TGIF2: variants seen among roughly 807,000 people sequenced by gnomAD.
TGIF2 encodes homeobox protein TGIF2.
Under a neutral mutation model 15.1 loss-of-function variants are expected in TGIF2, and 5 were observed. The observed-to-expected ratio is 0.33, with a 90% CI of 0.17 to 0.70. The LOEUF (loss-of-function observed/expected upper bound fraction) is 0.70. Among genes scored for constraint, TGIF2 ranks in the 30% least tolerant of loss-of-function variants. The probability of loss-of-function intolerance (pLI) is 0.67; values close to 1 mark genes in which losing one functional copy is unlikely to be tolerated. For synonymous variants in TGIF2, 131 were observed against 128.9 expected (o/e 1.02, Z -0.11); for missense variants, 264 against 302.5 (o/e 0.87, Z 0.94).
At position 36,592,207 on chromosome 20, in the gene TGIF2, T is replaced by C. The variant is rs533429497; in HGVS notation, c.*776T>C. ...ACAACCGTATGAGCGCATTGGCTTG[T>C]CTGCCGCAGGCACAGAAGGGTAGAA... On this transcript the variant is annotated 3_prime_UTR_variant, in exon 3 of 3. Transcript: ENST00000373872. The C allele has an allele frequency of 6.6e-6, 1 of 151,560 alleles. No individual in the cohort carries two copies. The highest frequency in any genetic ancestry group is 1.5e-5 in the Non-Finnish European group (1 of 67,902). 9.4% of individuals were successfully genotyped at this position (151,560 alleles called of 1,614,324 possible). A position where few individuals can be genotyped will look rare whatever the true frequency, so the allele number is the denominator to read the frequency against.
intron 2 of TGIF2, 34 bp downstream of exon 2, chr20:36,579,000 A>AG (rs1450112596): frequency 6.2e-7 from 1 of 1,602,090 alleles, no homozygotes; most frequent in Non-Finnish European, 8.5e-7. Context: ...GGGTGGCAGG[A>AG]GGACCTGGGT....
rs112197981 is a variant in TGIF2, at chr20:36,577,231, ACT to A, written c.-34-1507_-34-1506del. On this transcript the variant is annotated intron_variant, in intron 1 of 2. Coordinates refer to ENST00000373872, the MANE Select transcript of TGIF2 (RefSeq NM_021809.7). The stretch of plus-strand genomic sequence containing the variant: ...TTTTCTTTTGTTGAGACAGGGAATC[ACT>A]CTGTCACCCAGGCTGGAGTGCAATG... 5.0e-3 allele frequency among the ~76,000 whole-genome samples: 760 copies of A among 151,468 alleles called. 7 individuals are homozygous for A. The highest frequency in any genetic ancestry group is 0.018 in the African/African-American group (732 of 41,310).
intron 2 of TGIF2, among the ~76,000 whole-genome samples, chr20:36,584,455 C>A (rs987072181): frequency 6.6e-6 from 1 of 152,118 alleles, no homozygotes; most frequent in African/African-American, 2.4e-5. Context: ...GAAGGGTCAA[C>A]AGGCAGGACC....
chr20:36,578,008 G>A (rs376801893), intron 1 of TGIF2, among the ~76,000 whole-genome samples: 16 of 152,194 alleles, frequency 1.1e-4, no homozygotes, highest in South Asian at 8.3e-4. Flanking sequence ...GAGCCACTGC[G>A]CAGGCCTTGG....
chr20:36,577,132 CCT>C (rs376100277), intron 1 of TGIF2, among the ~76,000 whole-genome samples: 37 of 152,260 alleles, frequency 2.4e-4, no homozygotes, highest in African/African-American at 7.5e-4. Flanking sequence ...CTCACCTCAG[CCT>C]CTCAGAATAG....
In TGIF2 at chr20:36,593,393, G is replaced by C. The variant is rs554110313; in HGVS notation, c.*1962G>C. The stretch of plus-strand genomic sequence containing the variant: ...GAGTCGCCCATCTGTTGCTGTGGGA[G>C]TGTGAACGGATCGCTGAAGGAGAGG... On this transcript the variant is annotated 3_prime_UTR_variant, in exon 3 of 3. Transcript: ENST00000373872. 2 of 152,334 alleles carry C rather than the reference G, an allele frequency of 1.3e-5. No homozygotes were observed. The highest frequency in any genetic ancestry group is 4.2e-4 in the South Asian group (2 of 4,810). 9.4% of individuals were successfully genotyped at this position (152,334 alleles called of 1,614,324 possible).
chr20:36,591,182 G>A lies in TGIF2; in HGVS notation c.465G>A (p.Lys155=). ...PFPRGELESP[K]PLVTPGSTLT... ...CACGTGGGGAGCTGGAGTCTCCCAA[G>A]CCCCTGGTGACCCCTGGTAGCACAC... is the stretch of plus-strand genomic sequence containing the variant. Residue 155 remains lysine (K), a synonymous_variant, in exon 3 of 3, where the codon AAG becomes AAA. Coordinates refer to ENST00000373872, the MANE Select transcript of TGIF2 (RefSeq NM_021809.7). This position sits in a 1 kb window ranked among gnomAD's most constrained non-coding sequence, Gnocchi z 5.3. 1 of 1,614,172 alleles carries A rather than the reference G, an allele frequency of 6.2e-7. No individual in the cohort carries two copies. The highest frequency in any genetic ancestry group is 8.5e-7 in the Non-Finnish European group (1 of 1,180,000).
At chr20:36,584,211 C>T (rs1483920804) in intron 2 of TGIF2, among the ~76,000 whole-genome samples, 1 of 152,238 alleles carries the variant, frequency 6.6e-6, no homozygotes, top group African/African-American at 2.4e-5. Flanking sequence ...CCACCCCTGA[C>T]CAGGAGGCTC....
At chr20:36,576,942 C>G in intron 1 of TGIF2, among the ~76,000 whole-genome samples, 1 of 152,164 alleles carries the variant, frequency 6.6e-6, no homozygotes, top group East Asian at 1.9e-4. Context: ...TGAGCTCAAG[C>G]GATCCACCTG....
intron 2 of TGIF2, among the ~76,000 whole-genome samples, chr20:36,582,365 T>C (rs1432687678): frequency 6.6e-6 from 1 of 152,204 alleles, no homozygotes; most frequent in Non-Finnish European, 1.5e-5. Context: ...AAAAAACCAC[T>C]TCTTTTTGCT....
At chr20:36,576,518 G>A (rs2038432331) in intron 1 of TGIF2, among the ~76,000 whole-genome samples, 1 of 152,120 alleles carries the variant, frequency 6.6e-6, no homozygotes, top group South Asian at 2.1e-4. Flanking sequence ...ACAGTATACA[G>A]CTCACAAGAG....
At chr20:36,588,745 C>T (rs997614804) in intron 2 of TGIF2, among the ~76,000 whole-genome samples, 4 of 152,080 alleles carry the variant, frequency 2.6e-5, no homozygotes, top group African/African-American at 2.4e-5. Flanking sequence ...CCTTCCAGCC[C>T]GACAGCCTGG....
intron 2 of TGIF2, among the ~76,000 whole-genome samples, chr20:36,583,828 C>T (rs1275423156): frequency 2.0e-5 from 3 of 151,914 alleles, no homozygotes; most frequent in African/African-American, 7.3e-5. Flanking sequence ...ACCTGGGAAA[C>T]GGAAGTTGGA....
chr20:36,579,522 A>G (rs775185826), intron 2 of TGIF2, among the ~76,000 whole-genome samples: 6 of 152,184 alleles, frequency 3.9e-5, no homozygotes, highest in Non-Finnish European at 7.4e-5. Context: ...GTCAAAGTCT[A>G]GGTGTCATCC....
chr20:36,590,441 A>C (rs2038746029), intron 2 of TGIF2, among the ~76,000 whole-genome samples: 1 of 152,140 alleles, frequency 6.6e-6, no homozygotes, highest in Non-Finnish European at 1.5e-5. Context: ...TTTAGTAGAG[A>C]CAGGGTTTCA....
intron 2 of TGIF2, among the ~76,000 whole-genome samples, chr20:36,587,324 C>T (rs989233666): frequency 2.6e-5 from 4 of 152,190 alleles, no homozygotes; most frequent in African/African-American, 4.8e-5. Context: ...CTTGAACCCT[C>T]AGCCAAAGTG....
chr20:36,586,708 A>C (rs1357713926), intron 2 of TGIF2, among the ~76,000 whole-genome samples: 1 of 143,234 alleles, frequency 7.0e-6, no homozygotes, highest in African/African-American at 2.5e-5. Context: ...CCCCCCAAAA[A>C]AAAAAATCTC....
chr20:36,574,150 G>A (rs1019579838), intron 1 of TGIF2, among the ~76,000 whole-genome samples: 17 of 152,090 alleles, frequency 1.1e-4, no homozygotes, highest in Non-Finnish European at 2.2e-4. Context: ...GACAGGGGGC[G>A]GCCGAGAGTG....
At position 36,591,189 on chromosome 20, in the gene TGIF2, G is replaced by C; in HGVS notation, c.472G>C (p.Val158Leu). The C allele has an allele frequency of 6.2e-7, 1 of 1,614,180 alleles. No homozygotes were observed. The highest frequency in any genetic ancestry group is 8.5e-7 in the Non-Finnish European group (1 of 1,180,008). Residue 158 changes from valine to leucine, a missense_variant, in exon 3 of 3, where the codon GTG becomes CTG. Physicochemically the swap from Val to Leu is conservative, Grantham distance 32 (BLOSUM62 1). Coordinates refer to ENST00000373872, the MANE Select transcript of TGIF2 (RefSeq NM_021809.7). The surrounding 1 kb of genome is among the most constrained non-coding windows in gnomAD (Gnocchi z 5.3). ...GGAGCTGGAGTCTCCCAAGCCCCTG[G>C]TGACCCCTGGTAGCACACTTACTCT... ...RGELESPKPL[V>L]TPGSTLTLLT... is the part of the protein sequence containing the mutation.
Sources: allele counts gnomAD v4.1 joint callset (sites outside exome capture counted in the v4.1 genomes callset), GRCh38; gene constraint gnomAD v4.1.1; non-coding constraint Gnocchi (gnomAD v3.1); transcripts MANE v1.5; gene names NCBI Gene and HGNC (gene_info 2026-07-23, HGNC 2026-07-21).